Variants in HDAC9 observed in about 807,000 individuals in gnomAD.
The protein encoded by HDAC9 is MEF-2 interacting transcription repressor (MITR) protein.
A neutral mutation model predicts 139.4 loss-of-function variants in HDAC9; 41 were observed. That is an observed-to-expected ratio of 0.29 (90% CI 0.23 to 0.38). The LOEUF is 0.38. Among genes scored for constraint, HDAC9 ranks in the 10% least tolerant of loss-of-function variants. The probability of loss-of-function intolerance (pLI) is 1.00; values close to 1 mark genes in which losing one functional copy is unlikely to be tolerated. For synonymous variants in HDAC9, 517 were observed against 476.2 expected, an observed-to-expected ratio of 1.09 and a Z score of -1.12; for missense variants, 1,147 against 1,297.0, an observed-to-expected ratio of 0.88 and a Z score of 1.78.
upstream of HDAC9, among the ~76,000 whole-genome samples, chr7:18,494,845 A>G (rs962793544): frequency 6.6e-6 from 1 of 152,106 alleles, no homozygotes; most frequent in African/African-American, 2.4e-5. Flanking sequence ...GAAATTCTGT[A>G]TCCATAAGAA....
chr7:18,576,656 CAA>C (rs61179284), intron 2 of HDAC9, among the ~76,000 whole-genome samples: 11 of 91,798 alleles, frequency 1.2e-4, no homozygotes, highest in Admixed American at 2.5e-4. Flanking sequence ...GACTTCATGT[CAA>C]AAAAAAAAAA....
chr7:18,359,925 A>G (rs995541037), intron 1 of HDAC9, among the ~76,000 whole-genome samples: 8 of 152,072 alleles, frequency 5.3e-5, no homozygotes, highest in African/African-American at 1.9e-4. Flanking sequence ...GTGATTTTCT[A>G]ACCACACTGA....
chr7:18,740,254 G>C (rs1787324723), intron 13 of HDAC9, among the ~76,000 whole-genome samples: 1 of 152,142 alleles, frequency 6.6e-6, no homozygotes, highest in Admixed American at 6.5e-5. Context: ...CCCTGCTTCA[G>C]CTCGCCCTCC....
chr7:18,883,834 ACAGT>A (rs1799920412), intron 22 of HDAC9, among the ~76,000 whole-genome samples: 1 of 152,152 alleles, frequency 6.6e-6, no homozygotes, highest in Non-Finnish European at 1.5e-5. Flanking sequence ...ATAATTAAAT[ACAGT>A]AAACTTGCAG....
chr7:18,877,887 T>C (rs537586123), intron 22 of HDAC9, among the ~76,000 whole-genome samples: 59 of 152,190 alleles, frequency 3.9e-4, no homozygotes, highest in Non-Finnish European at 7.5e-4. Context: ...ACTTTTGGCA[T>C]TGGTTTCTGC....
intron 1 of HDAC9, among the ~76,000 whole-genome samples, chr7:18,484,300 C>T (rs545324756): frequency 4.7e-5 from 7 of 149,840 alleles, no homozygotes; most frequent in African/African-American, 1.7e-4. Context: ...TACACTACTG[C>T]ACTACACCTG....
intron 2 of HDAC9, among the ~76,000 whole-genome samples, chr7:18,563,652 A>G (rs1343363799): frequency 6.6e-6 from 1 of 152,076 alleles, no homozygotes; most frequent in African/African-American, 2.4e-5. Context: ...TATTCAAATC[A>G]TCAGTATTTG....
chr7:18,599,847 A>C (rs1289304766), intron 6 of HDAC9, among the ~76,000 whole-genome samples: 1 of 152,238 alleles, frequency 6.6e-6, no homozygotes. Flanking sequence ...GTTTGTTAAA[A>C]AAAGAACAAC....
At position 18,730,117 on chromosome 7, in the gene HDAC9, C is replaced by T. The variant is rs187866723; in HGVS notation, c.1909+2360C>T. Among the ~76,000 whole-genome samples the T allele has an allele frequency of 9.3e-4, 141 of 152,260 alleles. 3 individuals are homozygous for T. The East Asian group carries it at 0.02, about 21-fold the overall frequency. On this transcript the variant is annotated intron_variant, in intron 13 of 25. Transcript: ENST00000686413. Reference sequence around the variant, plus strand: ...ATATTTTAAAATCATGCAACATATGCAATTTATAATAATAGCTTCTCCACT... The same window carrying T: ...ATATTTTAAAATCATGCAACATATGTAATTTATAATAATAGCTTCTCCACT...
At chr7:18,467,911 G>C (rs994685324) in intron 1 of HDAC9, among the ~76,000 whole-genome samples, 1 of 152,026 alleles carries the variant, frequency 6.6e-6, no homozygotes, top group Non-Finnish European at 1.5e-5. Flanking sequence ...CTTTGTTTTT[G>C]AGGACCTTGA....
chr7:18,183,180 T>G (rs185118016), intron 2 of HDAC9, among the ~76,000 whole-genome samples: 1 of 151,970 alleles, frequency 6.6e-6, no homozygotes, highest in East Asian at 1.9e-4. Flanking sequence ...CGGCTAATTT[T>G]TTGTATTTTT....
At chr7:18,484,161 G>C (rs1441103796) in intron 1 of HDAC9, among the ~76,000 whole-genome samples, 3 of 134,778 alleles carry the variant, frequency 2.2e-5, no homozygotes, top group Non-Finnish European at 4.7e-5. Context: ...AACAAAGCAA[G>C]ACCTTATCTC....
chr7:18,513,759 C>G (rs1395349129), intron 2 of HDAC9, among the ~76,000 whole-genome samples: 1 of 152,114 alleles, frequency 6.6e-6, no homozygotes, highest in African/African-American at 2.4e-5. Flanking sequence ...CCGTTAGGTC[C>G]CTGCCATCCT....
chr7:18,142,332 G>T (rs1376172881), intron 1 of HDAC9, among the ~76,000 whole-genome samples: 1 of 152,148 alleles, frequency 6.6e-6, no homozygotes, highest in Non-Finnish European at 1.5e-5. Flanking sequence ...TAAGAGGAGA[G>T]TGATCCCCCA....
intron 2 of HDAC9, among the ~76,000 whole-genome samples, chr7:18,224,749 T>A (rs1174901837): frequency 1.3e-5 from 2 of 151,618 alleles, no homozygotes; most frequent in Non-Finnish European, 2.9e-5. Context: ...GAATGGAGAG[T>A]GTATAAGAAA....
intron 11 of HDAC9, among the ~76,000 whole-genome samples, chr7:18,663,255 GTGGAGGACAAAACCAT>G (rs1460510647): frequency 6.6e-6 from 1 of 152,094 alleles, no homozygotes; most frequent in Non-Finnish European, 1.5e-5. Flanking sequence ...ATGAGGTCAA[GTGGAGGACAAAACCAT>G]TGGAGGTTAG....
chr7:18,273,089 A>T (rs28410383), intron 2 of HDAC9, among the ~76,000 whole-genome samples: 1 of 108,890 alleles, frequency 9.2e-6, no homozygotes, highest in Non-Finnish European at 1.8e-5. Context: ...TTTTTGAACA[A>T]GACAGGATGT....
chr7:18,828,975 A>G (rs1484978576), intron 17 of HDAC9, among the ~76,000 whole-genome samples, 186 bp from the exon 18 acceptor site: 1 of 152,194 alleles, frequency 6.6e-6, no homozygotes, highest in Non-Finnish European at 1.5e-5. Context: ...AGAAAATGTG[A>G]TCACATGTGT....
intron 1 of HDAC9, among the ~76,000 whole-genome samples, chr7:18,357,231 T>G (rs768564498): frequency 3.3e-5 from 5 of 152,124 alleles, no homozygotes; most frequent in African/African-American, 4.8e-5. Flanking sequence ...TTCCTATATA[T>G]CCAATCTAAT....
Sources: gnomAD v4.1 joint callset for allele counts (sites outside exome capture counted in the v4.1 genomes callset) on GRCh38, gnomAD v4.1.1 for gene constraint, MANE v1.5 for transcripts, NCBI Gene and HGNC (gene_info 2026-07-23, HGNC 2026-07-21) for gene names.